The following SMYD3 variants were observed in gnomAD, a reference collection of about 807,000 sequenced individuals.
SMYD3 encodes histone-lysine N-methyltransferase SMYD3.
SMYD3 carries 36 observed loss-of-function variants against 57.7 expected under a neutral mutation model. The observed-to-expected ratio is 0.62, with a 90% CI of 0.48 to 0.82. The LOEUF is 0.82. Ranked by LOEUF, SMYD3 falls within the 40% of genes least tolerant of loss-of-function variation. The pLI is 0.00. For missense variants in SMYD3, 515 were observed against 538.8 expected, an observed-to-expected ratio of 0.96 and a Z score of 0.44; for synonymous variants, 211 against 195.0, an observed-to-expected ratio of 1.08 and a Z score of -0.68.
chr1:246,248,702 T>G (rs951835968), intron 5 of SMYD3, among the ~76,000 whole-genome samples: 1 of 141,672 alleles, frequency 7.1e-6, no homozygotes, highest in Non-Finnish European at 1.5e-5. Context: ...AGTGCAGTGG[T>G]GCAATCTTGG....
intron 3 of SMYD3, among the ~76,000 whole-genome samples, chr1:246,331,819 C>T (rs1484400117): frequency 6.6e-6 from 1 of 152,148 alleles, no homozygotes; most frequent in Non-Finnish European, 1.5e-5. Context: ...ATATTTCAAA[C>T]TTTTGGTTAT....
intron 5 of SMYD3, among the ~76,000 whole-genome samples, chr1:246,100,527 C>G (rs565850827): frequency 2.6e-5 from 4 of 152,170 alleles, no homozygotes; most frequent in Non-Finnish European, 5.9e-5. Flanking sequence ...TTTCCCTCCT[C>G]CCTGACTGCT....
At chr1:246,060,582 A>ATTTTTTTTTTTTTTTTTTTTTT (rs1558191811) in intron 5 of SMYD3, among the ~76,000 whole-genome samples, 5 of 152,176 alleles carry the variant, frequency 3.3e-5, no homozygotes, top group Admixed American at 1.3e-4. Flanking sequence ...CATTTTAATA[A>ATTTTTTTTTTTTTTTTTTTTTT]ATTTTTATGA....
chr1:246,165,024 G>A (rs896590651), intron 5 of SMYD3, among the ~76,000 whole-genome samples: 3 of 152,296 alleles, frequency 2.0e-5, no homozygotes, highest in Admixed American at 6.5e-5. Flanking sequence ...GAACCCCACC[G>A]ACTGGGAAGA....
intron 5 of SMYD3, among the ~76,000 whole-genome samples, chr1:246,071,687 C>A (rs896154337): frequency 3.9e-5 from 6 of 152,170 alleles, no homozygotes; most frequent in Non-Finnish European, 5.9e-5. Context: ...AAATCATAAT[C>A]CCCAAACACT....
At chr1:246,406,575 G>A (rs186843392) in intron 1 of SMYD3, among the ~76,000 whole-genome samples, 1 of 152,250 alleles carries the variant, frequency 6.6e-6, no homozygotes, top group Admixed American at 6.5e-5. Context: ...TCAGTGCACC[G>A]TGTCCATAGT....
At chr1:246,201,918 C>G (rs1267330469) in intron 5 of SMYD3, among the ~76,000 whole-genome samples, 1 of 151,588 alleles carries the variant, frequency 6.6e-6, no homozygotes, top group African/African-American at 2.4e-5. Flanking sequence ...GAGGCTGAGG[C>G]AGGAGAATCG....
chr1:245,995,922 G>A (rs2058921095), intron 5 of SMYD3, among the ~76,000 whole-genome samples: 1 of 152,194 alleles, frequency 6.6e-6, no homozygotes, highest in Non-Finnish European at 1.5e-5. Flanking sequence ...GAAGGGAGAT[G>A]AAGTTTTCCA....
At chr1:246,418,101 C>G (rs1220662562) in intron 1 of SMYD3, among the ~76,000 whole-genome samples, 2 of 152,162 alleles carry the variant, frequency 1.3e-5, no homozygotes, top group African/African-American at 2.4e-5. Flanking sequence ...TATGCCTCTT[C>G]CCCTGTTAAT....
In SMYD3 at chr1:246,205,009, C is replaced by A. The variant is rs551074258; in HGVS notation, c.531+122192G>T. On this transcript the variant is annotated intron_variant, in intron 5 of 11. Coordinates refer to ENST00000490107, the MANE Select transcript of SMYD3 (RefSeq NM_001167740.2). ...ACTTAATTCCTGAGATACCAGTGTG[C>A]TGCTCTGCGGAGGGGGTTCCTTTGA... is the stretch of plus-strand genomic sequence containing the variant. Among the ~76,000 whole-genome samples the A allele has an allele frequency of 3.0e-3, 450 of 152,328 alleles. 1 individual carries two copies. The highest frequency in any genetic ancestry group is 3.7e-3 in the Non-Finnish European group (251 of 68,036).
At chr1:246,182,049 A>G (rs2062560645) in intron 5 of SMYD3, among the ~76,000 whole-genome samples, 2 of 152,326 alleles carry the variant, frequency 1.3e-5, no homozygotes, top group African/African-American at 4.8e-5. Context: ...TAAGGAACAG[A>G]AAGAGAAAAT....
chr1:246,149,624 C>T (rs140162077), intron 5 of SMYD3, among the ~76,000 whole-genome samples: 13 of 152,190 alleles, frequency 8.5e-5, no homozygotes, highest in African/African-American at 2.6e-4. Context: ...ATTCAAAAGC[C>T]GGAAGCATTA....
chr1:245,786,521 C>T (rs1303424480), intron 10 of SMYD3, among the ~76,000 whole-genome samples: 1 of 152,092 alleles, frequency 6.6e-6, no homozygotes, highest in East Asian at 1.9e-4. Context: ...CTCTCTCCAG[C>T]CATCTCATTG....
intron 1 of SMYD3, among the ~76,000 whole-genome samples, chr1:246,372,635 C>T (rs1204106532): frequency 6.6e-6 from 1 of 152,088 alleles, no homozygotes; most frequent in African/African-American, 2.4e-5. Context: ...CTTTGGGTGG[C>T]GGAAGTGGGT....
intron 5 of SMYD3, among the ~76,000 whole-genome samples, chr1:246,179,738 C>T (rs150963401): frequency 1.7e-3 from 266 of 152,276 alleles, no homozygotes; most frequent in African/African-American, 6.0e-3. Flanking sequence ...TACTACATTT[C>T]ATTCCTGATA....
chr1:245,809,718 A>G (rs1303023868), intron 10 of SMYD3, among the ~76,000 whole-genome samples: 1 of 152,204 alleles, frequency 6.6e-6, no homozygotes, highest in African/African-American at 2.4e-5. Context: ...AAAAGGGGAC[A>G]ATGAAAAGAG....
chr1:246,049,935 A>AT lies in SMYD3; in HGVS notation c.532-119999dup, dbSNP rs768709509. ...GTTTCCACCAAGATAAAATATACAA[A>AT]TTTTTCAATAGACGTAGTAAATACT... is the stretch of plus-strand genomic sequence containing the variant. On this transcript the variant is annotated intron_variant, in intron 5 of 11. Coordinates refer to ENST00000490107, the MANE Select transcript of SMYD3 (RefSeq NM_001167740.2). Among the ~76,000 whole-genome samples, 190 of 152,312 alleles carry AT rather than the reference A, an allele frequency of 1.2e-3. 1 individual carries two copies. Among genetic ancestry groups the AT allele is most frequent in the Middle Eastern group, 0.01 (3 of 294 alleles).
chr1:245,832,020 T>C (rs927888020), intron 10 of SMYD3, among the ~76,000 whole-genome samples: 2 of 152,214 alleles, frequency 1.3e-5, no homozygotes, highest in Non-Finnish European at 2.9e-5. Context: ...GGGGAGGCCT[T>C]TGCCAACTTT....
intron 5 of SMYD3, among the ~76,000 whole-genome samples, chr1:246,106,246 G>A (rs2061116236): frequency 6.6e-6 from 1 of 152,162 alleles, no homozygotes; most frequent in Admixed American, 6.5e-5. Context: ...TGCAACAGGA[G>A]AATCCTCCTC....
Sources: gnomAD v4.1 joint callset for allele counts (sites outside exome capture counted in the v4.1 genomes callset) on GRCh38, gnomAD v4.1.1 for gene constraint, MANE v1.5 for transcripts, NCBI Gene and HGNC (gene_info 2026-07-23, HGNC 2026-07-21) for gene names.